Variants in TBC1D31 observed in about 807,000 individuals in gnomAD.
TBC1D31 encodes the protein WD repeat domain 67.
A neutral mutation model predicts 132.9 loss-of-function variants in TBC1D31; 99 were observed. The observed-to-expected ratio is 0.74, with a 90% CI of 0.63 to 0.88. TBC1D31 has a LOEUF of 0.88. TBC1D31 is among the 40% of genes least tolerant of loss of function. The pLI, the probability that TBC1D31 is intolerant of heterozygous loss-of-function variation, is 0.00. For synonymous variants in TBC1D31, 385 were observed against 419.4 expected, an observed-to-expected ratio of 0.92 and a Z score of 1.00; for missense variants, 1,134 against 1,256.6, an observed-to-expected ratio of 0.90 and a Z score of 1.48.
At chr8:123,082,483 G>T in intron 2 of TBC1D31, 1 of 477,716 alleles carries the variant, frequency 2.1e-6, no homozygotes, top group South Asian at 3.4e-5. Context: ...ACACATACCT[G>T]ATTGTGATTC....
chr8:123,081,856 A>G (rs1017515407), intron 2 of TBC1D31, among the ~76,000 whole-genome samples: 1 of 135,518 alleles, frequency 7.4e-6, no homozygotes, highest in Non-Finnish European at 1.6e-5. Flanking sequence ...CCGTGATTCA[A>G]TTATCTCCCA....
intron 5 of TBC1D31, among the ~76,000 whole-genome samples, chr8:123,094,884 G>A (rs1415703901): frequency 6.6e-6 from 1 of 152,130 alleles, no homozygotes; most frequent in Admixed American, 6.5e-5. Context: ...TCTTAATATT[G>A]TCATATATCT....
chr8:123,087,793 T>G (rs1815916687), intron 4 of TBC1D31, among the ~76,000 whole-genome samples: 1 of 152,256 alleles, frequency 6.6e-6, no homozygotes, highest in Non-Finnish European at 1.5e-5. Context: ...TAGTGTGATG[T>G]GTGCCTAAGT....
At chr8:123,156,440 CAAAAAAAAA>C, downstream of TBC1D31, among the ~76,000 whole-genome samples, 1 of 100,992 alleles carries the variant, frequency 9.9e-6, no homozygotes, top group East Asian at 2.9e-4. Flanking sequence ...GACCCTGTCT[CAAAAAAAAA>C]AAAAAAAAAA....
the TBC1D31 span, among the ~76,000 whole-genome samples, chr8:123,162,017 C>CAAAAAAAAAAAAAAAAAA: frequency 1.3e-5 from 1 of 76,118 alleles, no homozygotes. Flanking sequence ...GAGTCCGACT[C>CAAAAAAAAAAAAAAAAAA]AAAAAAAAAA....
At chr8:123,145,692 TAA>T (rs11434734) in intron 20 of TBC1D31, among the ~76,000 whole-genome samples, 12 of 141,476 alleles carry the variant, frequency 8.5e-5, no homozygotes, top group Non-Finnish European at 1.2e-4. Flanking sequence ...CCTGTCTCTT[TAA>T]AAAAAAAAAA....
downstream of TBC1D31, among the ~76,000 whole-genome samples, chr8:123,152,322 G>A (rs538467437): frequency 5.9e-5 from 9 of 152,268 alleles, no homozygotes; most frequent in Admixed American, 2.6e-4. Flanking sequence ...CGCCAGCAGC[G>A]TGGAGTGGCC....
At chr8:123,140,043 G>T (rs1056617913) in intron 17 of TBC1D31, among the ~76,000 whole-genome samples, 3 of 152,028 alleles carry the variant, frequency 2.0e-5, no homozygotes, top group African/African-American at 7.2e-5. Flanking sequence ...TCCTTCCTTG[G>T]CTTCCAGGCT....
At chr8:123,124,231 T>C (rs1819794446) in intron 11 of TBC1D31, among the ~76,000 whole-genome samples, 1 of 152,202 alleles carries the variant, frequency 6.6e-6, no homozygotes, top group African/African-American at 2.4e-5. Flanking sequence ...TTAGAAGACA[T>C]TTTGAAGGAA....
chr8:123,109,708 T>C (rs1000093734), intron 10 of TBC1D31, 88 bp downstream of exon 10: 1 of 1,278,862 alleles, frequency 7.8e-7, no homozygotes. Flanking sequence ...AAATATTGTT[T>C]TGTCAGTTTG....
In TBC1D31 at chr8:123,135,056, A is replaced by G. The variant is rs190257410; in HGVS notation, c.2499+850A>G. ...CTGGGACTACAGACGTGCGCCACCA[A>G]GCCTATCTAATTTTTGTGTTTTTTG... is the stretch of plus-strand genomic sequence containing the variant. On this transcript the variant is annotated intron_variant, in intron 17 of 21. Coordinates refer to ENST00000287380, the MANE Select transcript of TBC1D31 (RefSeq NM_145647.4). Among the ~76,000 whole-genome samples the G allele has an allele frequency of 1.6e-4, 24 of 152,076 alleles. No homozygotes were observed. The East Asian group carries it at 3.3e-3, about 21-fold the overall frequency.
rs776782227 is a variant in TBC1D31 at position 123,109,495 on chromosome 8, G to C, written c.1311G>C (p.Leu437=). Residue 437 remains leucine, a synonymous_variant, in exon 10 of 22, where the codon CTG becomes CTC. Transcript: ENST00000287380. ...TKYRMFIWRS[L]LQLPENHTAF... ...TCAGAATGTTCATTTGGCGCTCTCT[G>C]CTACAACTGCCTGAAAATCATACTG... 8 of 1,613,844 alleles carry C rather than the reference G, an allele frequency of 5.0e-6. No homozygotes were observed. The South Asian group carries it at 8.8e-5, about 18-fold the overall frequency.
intron 18 of TBC1D31, 106 bp downstream of exon 18, chr8:123,141,007 G>C (rs992314843): frequency 1.3e-5 from 14 of 1,073,318 alleles, no homozygotes; most frequent in Admixed American, 4.9e-5. Context: ...GAGTTAGTTT[G>C]TTTCTTTGCT....
chr8:123,135,209 C>T (rs1411575037), intron 17 of TBC1D31, among the ~76,000 whole-genome samples: 2 of 152,168 alleles, frequency 1.3e-5, no homozygotes, highest in African/African-American at 4.8e-5. Flanking sequence ...CTGTAAAGTA[C>T]TTTAAATTGG....
Position 123,126,036 on chromosome 8 carries a change from T to C in TBC1D31, c.1571-20T>C, listed in dbSNP as rs1225054323. Reference sequence around the variant, plus strand: ...ATGGAAAGATATTTAAAGATATGTTTTCTTTTTTTTCCTTCATAGTCAATT... The same window carrying C: ...ATGGAAAGATATTTAAAGATATGTTCTCTTTTTTTTCCTTCATAGTCAATT... On this transcript the variant is annotated intron_variant, in intron 11 of 21. Transcript: ENST00000287380. 1 of 1,558,490 alleles carries C rather than the reference T, an allele frequency of 6.4e-7. No individual in the cohort carries two copies.
chr8:123,123,902 A>G (rs1769437153), intron 11 of TBC1D31, among the ~76,000 whole-genome samples: 1 of 152,190 alleles, frequency 6.6e-6, no homozygotes, highest in African/African-American at 2.4e-5. Flanking sequence ...CGCTTGGTAC[A>G]CTATGGGGAT....
chr8:123,101,433 A>G (rs1303304615), intron 7 of TBC1D31, among the ~76,000 whole-genome samples: 1 of 152,024 alleles, frequency 6.6e-6, no homozygotes, highest in Non-Finnish European at 1.5e-5. Flanking sequence ...TTGTTTTTTG[A>G]GACGGAGTTT....
rs1293954988 is a variant in TBC1D31 at position 123,130,244 on chromosome 8, C to A, written c.2317C>A (p.Gln773Lys). ...GCTGAAAGTAAAGGAAATGCACTTA[C>A]AAGATGCTGCAAGAAGGCGTTTTCT... is the stretch of plus-strand genomic sequence containing the variant. Reference protein sequence around the residue: ...RELKVKEMHLQDAARRRFLKL... With the variant: ...RELKVKEMHLKDAARRRFLKL... The change falls in exon 16 of 22, where the codon CAA becomes AAA. Residue 773 changes from glutamine to lysine, a missense_variant. Transcript: ENST00000287380. 1.2e-6 allele frequency: 2 copies of A among 1,613,024 alleles called. No homozygotes were observed. Among genetic ancestry groups the A allele is most frequent in the Admixed American group, 1.7e-5 (1 of 59,890 alleles).
At chr8:123,086,536 T>G (rs182200312) in intron 4 of TBC1D31, among the ~76,000 whole-genome samples, 15 of 152,030 alleles carry the variant, frequency 9.9e-5, no homozygotes, top group African/African-American at 3.4e-4. Flanking sequence ...GTCCCACCCT[T>G]TTGGTAGTGC....
Sources: gnomAD v4.1 joint callset for allele counts (sites outside exome capture counted in the v4.1 genomes callset) on GRCh38, gnomAD v4.1.1 for gene constraint, MANE v1.5 for transcripts, NCBI Gene and HGNC (gene_info 2026-07-23, HGNC 2026-07-21) for gene names.